UBE2E2: variants seen among roughly 807,000 people sequenced by gnomAD.
The protein encoded by UBE2E2 is ubiquitin-conjugating enzyme E2 E2.
In UBE2E2, 6 loss-of-function variants were observed where a neutral mutation model predicts 24.7. The ratio of observed to expected loss-of-function variants is 0.24; its 90% CI spans 0.13 to 0.48. The LOEUF is 0.48. Among genes scored for constraint, UBE2E2 ranks in the 20% least tolerant of loss-of-function variants. The pLI is 0.99. For missense variants in UBE2E2, 169 were observed against 245.0 expected (o/e 0.69, Z 2.07); for synonymous variants, 104 against 83.6 (o/e 1.24, Z -1.33).
At chr3:23,329,064 G>A (rs535033787) in intron 3 of UBE2E2, among the ~76,000 whole-genome samples, 1 of 152,232 alleles carries the variant, frequency 6.6e-6, no homozygotes, top group East Asian at 1.9e-4. Flanking sequence ...GATCTTATTT[G>A]CTAAAGTAGA....
At chr3:23,395,486 C>T (rs986818766) in intron 3 of UBE2E2, among the ~76,000 whole-genome samples, 5 of 152,032 alleles carry the variant, frequency 3.3e-5, no homozygotes, top group Admixed American at 1.3e-4. Context: ...CCAACCTATC[C>T]GAGAAGCATT....
intron 5 of UBE2E2, among the ~76,000 whole-genome samples, chr3:23,561,102 G>C (rs1695917382): frequency 6.6e-6 from 1 of 152,104 alleles, no homozygotes; most frequent in Admixed American, 6.5e-5. Flanking sequence ...TTTGGCTTTT[G>C]TTGCCATTGC....
intron 3 of UBE2E2, among the ~76,000 whole-genome samples, chr3:23,310,279 C>G (rs1288327336): frequency 7.0e-6 from 1 of 142,416 alleles, no homozygotes; most frequent in African/African-American, 2.6e-5. Context: ...GATATAAAAG[C>G]ATTATGTGCA....
chr3:23,538,315 A>C (rs992992955), intron 5 of UBE2E2, among the ~76,000 whole-genome samples: 2 of 152,064 alleles, frequency 1.3e-5, no homozygotes, highest in Non-Finnish European at 2.9e-5. Context: ...TCTAAAAGTC[A>C]CTCTAATCAA....
intron 3 of UBE2E2, among the ~76,000 whole-genome samples, chr3:23,491,407 T>C (rs907235367): frequency 1.3e-5 from 2 of 152,242 alleles, no homozygotes; most frequent in Non-Finnish European, 2.9e-5. Flanking sequence ...TTATAACGTT[T>C]ATATTTGCAC....
At chr3:23,449,177 T>G (rs1698500247) in intron 3 of UBE2E2, among the ~76,000 whole-genome samples, 1 of 152,242 alleles carries the variant, frequency 6.6e-6, no homozygotes, top group African/African-American at 2.4e-5. Context: ...GAACTGTGTG[T>G]GCTGCAGCCC....
At chr3:23,490,714 A>G (rs947559829) in intron 3 of UBE2E2, among the ~76,000 whole-genome samples, 1 of 152,176 alleles carries the variant, frequency 6.6e-6, no homozygotes, top group African/African-American at 2.4e-5. Context: ...CCCTGGGAAA[A>G]GGAAGTATTA....
At chr3:23,259,954 T>A (rs1697852641) in intron 3 of UBE2E2, among the ~76,000 whole-genome samples, 1 of 152,216 alleles carries the variant, frequency 6.6e-6, no homozygotes, top group Non-Finnish European at 1.5e-5. Context: ...AGTACTAGTC[T>A]GGAATTCTCT....
At chr3:23,314,087 T>A (rs559322857) in intron 3 of UBE2E2, among the ~76,000 whole-genome samples, 1 of 152,184 alleles carries the variant, frequency 6.6e-6, no homozygotes, top group Admixed American at 6.5e-5. Context: ...TTTTTACTTA[T>A]ATCTTGTTGT....
intron 2 of UBE2E2, among the ~76,000 whole-genome samples, chr3:23,209,320 G>A (rs1264835209): frequency 1.3e-5 from 2 of 152,158 alleles, no homozygotes; most frequent in African/African-American, 4.8e-5. Context: ...AGCAACAGGT[G>A]CATCTTGGTT....
At chr3:23,480,485 G>A (rs1186366251) in intron 3 of UBE2E2, among the ~76,000 whole-genome samples, 1 of 152,312 alleles carries the variant, frequency 6.6e-6, no homozygotes, top group East Asian at 1.9e-4. Flanking sequence ...TTAGTAGAGG[G>A]TGGGGCTCCC....
At chr3:23,439,764 C>T (rs896166989) in intron 3 of UBE2E2, among the ~76,000 whole-genome samples, 21 of 152,050 alleles carry the variant, frequency 1.4e-4, no homozygotes, top group African/African-American at 4.3e-4. Flanking sequence ...ACACTTTCAG[C>T]GAAAACGCAT....
intron 3 of UBE2E2, among the ~76,000 whole-genome samples, chr3:23,245,155 T>C (rs1159089825): frequency 6.6e-6 from 1 of 152,110 alleles, no homozygotes; most frequent in Admixed American, 6.5e-5. Context: ...GGAAAGATGT[T>C]GAGATTGTAA....
At chr3:23,311,824 A>G (rs1264370562) in intron 3 of UBE2E2, among the ~76,000 whole-genome samples, 2 of 152,202 alleles carry the variant, frequency 1.3e-5, no homozygotes, top group Non-Finnish European at 2.9e-5. Flanking sequence ...ACATCAAGGT[A>G]AATGTGGTAT....
chr3:23,411,108 A>C (rs961428324), intron 3 of UBE2E2, among the ~76,000 whole-genome samples: 1 of 152,174 alleles, frequency 6.6e-6, no homozygotes, highest in East Asian at 1.9e-4. Flanking sequence ...GAACAAAAAC[A>C]TTAGGAAAGG....
chr3:23,529,750 A>G (rs1177904290), intron 4 of UBE2E2, among the ~76,000 whole-genome samples: 2 of 152,146 alleles, frequency 1.3e-5, no homozygotes, highest in African/African-American at 4.8e-5. Context: ...AGGGATAGGC[A>G]CTCTGCCTTC....
At chr3:23,473,449 A>G (rs1014242013) in intron 3 of UBE2E2, among the ~76,000 whole-genome samples, 4 of 150,698 alleles carry the variant, frequency 2.7e-5, no homozygotes, top group African/African-American at 4.8e-5. Flanking sequence ...TAGTATTTCC[A>G]TAGGTTTTTG....
chr3:23,271,031 A>C (rs1434679619), intron 3 of UBE2E2: 1 of 456,646 alleles, frequency 2.2e-6, no homozygotes, highest in Admixed American at 2.3e-5. Flanking sequence ...ACTTCTATTC[A>C]TTTCTCAATT....
intron 3 of UBE2E2, among the ~76,000 whole-genome samples, chr3:23,403,922 C>T (rs749124149): frequency 1.3e-5 from 2 of 151,738 alleles, no homozygotes; most frequent in African/African-American, 2.4e-5. Flanking sequence ...ATGTCAGTAA[C>T]GAAAAGGTGG....
Sources: allele counts gnomAD v4.1 joint callset (sites outside exome capture counted in the v4.1 genomes callset), GRCh38; gene constraint gnomAD v4.1.1; transcripts MANE v1.5; gene names NCBI Gene and HGNC (gene_info 2026-07-23, HGNC 2026-07-21).